The following BICC1 variants were observed in gnomAD, a reference collection of about 807,000 sequenced individuals.
BICC1 encodes BicC family RNA binding protein 1, also known as protein bicaudal C homolog 1.
A neutral mutation model predicts 111.0 loss-of-function variants in BICC1; 43 were observed. The observed-to-expected ratio is 0.39, with a 90% CI of 0.30 to 0.50. The LOEUF (loss-of-function observed/expected upper bound fraction) is 0.50, where lower values mean the gene tolerates loss of function less well. BICC1 is among the 20% of genes least tolerant of loss of function. The probability of loss-of-function intolerance (pLI) is 0.88; values close to 1 mark genes in which losing one functional copy is unlikely to be tolerated. For synonymous variants in BICC1, 467 were observed against 434.4 expected, an observed-to-expected ratio of 1.07 and a Z score of -0.93; for missense variants, 1,091 against 1,203.2, an observed-to-expected ratio of 0.91 and a Z score of 1.38.
intron 1 of BICC1, among the ~76,000 whole-genome samples, chr10:58,539,436 A>G (rs913962204): frequency 6.6e-6 from 1 of 151,648 alleles, no homozygotes; most frequent in Admixed American, 6.6e-5. Flanking sequence ...CCTATTGGAT[A>G]TAGTGTTCAG....
intron 3 of BICC1, among the ~76,000 whole-genome samples, chr10:58,765,315 CA>C (rs67510442): frequency 0.77 from 117,328 of 151,990 alleles, 45,788 homozygotes; most frequent in East Asian, 1. Context: ...CTCAGCCTCC[CA>C]AAAGTGCTGG....
At chr10:58,816,154 T>C (rs554392450) in intron 18 of BICC1, among the ~76,000 whole-genome samples, 2 of 152,314 alleles carry the variant, frequency 1.3e-5, no homozygotes, top group African/African-American at 2.4e-5. Flanking sequence ...CCATAAATTA[T>C]ATGGGCAGCC....
chr10:58,522,792 T>C (rs1842427200), intron 1 of BICC1, among the ~76,000 whole-genome samples: 1 of 151,676 alleles, frequency 6.6e-6, no homozygotes, highest in African/African-American at 2.4e-5. Flanking sequence ...ACCAACAAAA[T>C]GGATAGACCG....
At chr10:58,718,887 T>A (rs1252383923) in intron 3 of BICC1, among the ~76,000 whole-genome samples, 4 of 152,192 alleles carry the variant, frequency 2.6e-5, no homozygotes, top group Non-Finnish European at 5.9e-5. Flanking sequence ...ATTTCTGAGT[T>A]TTCTTGGTGT....
intron 1 of BICC1, among the ~76,000 whole-genome samples, chr10:58,534,597 T>A (rs537355141): frequency 2.6e-5 from 4 of 151,530 alleles, no homozygotes; most frequent in African/African-American, 9.7e-5. Context: ...CCCAGTTAAA[T>A]GAAAAATAAA....
intron 3 of BICC1, among the ~76,000 whole-genome samples, chr10:58,705,190 G>A (rs1227030389): frequency 6.6e-6 from 1 of 152,132 alleles, no homozygotes; most frequent in African/African-American, 2.4e-5. Flanking sequence ...TATTTAACAA[G>A]TTTCACTACT....
chr10:58,738,524 T>C (rs1198089185), intron 3 of BICC1, among the ~76,000 whole-genome samples: 1 of 152,222 alleles, frequency 6.6e-6, no homozygotes, highest in Non-Finnish European at 1.5e-5. Context: ...GGTAGCATGA[T>C]GCCTCCAGCT....
At chr10:58,823,250 A>G (rs1412832818) in intron 20 of BICC1, 5 of 985,230 alleles carry the variant, frequency 5.1e-6, no homozygotes, top group South Asian at 4.7e-5. Flanking sequence ...CAGATCCGCA[A>G]CAAGATCCTG....
At position 58,682,018 on chromosome 10, in the gene BICC1, T is replaced by TCCCC. The variant is rs1211673998; in HGVS notation, c.238-20053_238-20050dup. On this transcript the variant is annotated intron_variant, in intron 2 of 20. Transcript: ENST00000373886. The stretch of plus-strand genomic sequence containing the variant: ...TCTCCTAATGCTATCCCTCCCTCCC[T>TCCCC]CCCCCCACCCCATGACAGGCCCTGG... Among the ~76,000 whole-genome samples the TCCCC allele has an allele frequency of 1.4e-4, 11 of 77,804 alleles. No homozygotes were observed. In the East Asian group the frequency reaches 2.6e-3, roughly 18 times the overall value. 51.0% of individuals were successfully genotyped at this position (77,804 alleles called of 152,430 possible). A position where few individuals can be genotyped will look rare whatever the true frequency, so the allele number is the denominator to read the frequency against.
At chr10:58,589,246 C>T (rs536597039) in intron 1 of BICC1, among the ~76,000 whole-genome samples, 5 of 152,198 alleles carry the variant, frequency 3.3e-5, no homozygotes, top group South Asian at 2.1e-4. Context: ...CCAGCGCCTC[C>T]GGGGATCACC....
intron 3 of BICC1, chr10:58,716,304 G>A (rs986560424): frequency 2.0e-6 from 3 of 1,468,278 alleles, no homozygotes; most frequent in Non-Finnish European, 2.7e-6. Context: ...AGAAAAATCA[G>A]GATTCCCTTA....
chr10:58,542,728 G>A (rs1843026867), intron 1 of BICC1, among the ~76,000 whole-genome samples: 1 of 151,930 alleles, frequency 6.6e-6, no homozygotes, highest in Non-Finnish European at 1.5e-5. Flanking sequence ...TATACAGTTA[G>A]CCAACAAACA....
intron 3 of BICC1, among the ~76,000 whole-genome samples, chr10:58,755,162 G>C (rs1176216629): frequency 1.3e-5 from 2 of 152,106 alleles, no homozygotes; most frequent in Non-Finnish European, 2.9e-5. Context: ...CTTGGTGACT[G>C]TTTCATTTAA....
chr10:58,533,655 C>T (rs571392666), intron 1 of BICC1, among the ~76,000 whole-genome samples: 43 of 151,796 alleles, frequency 2.8e-4, no homozygotes, highest in Admixed American at 2.6e-3. Flanking sequence ...GAATTAATTA[C>T]CATTATGCCT....
chr10:58,604,529 C>T (rs964273592), intron 1 of BICC1, among the ~76,000 whole-genome samples: 9 of 151,954 alleles, frequency 5.9e-5, no homozygotes, highest in Non-Finnish European at 1.2e-4. Flanking sequence ...GGAGTGGTGG[C>T]GGGCGCCTGT....
At chr10:58,677,807 G>C (rs1404105860) in intron 2 of BICC1, among the ~76,000 whole-genome samples, 1 of 152,180 alleles carries the variant, frequency 6.6e-6, no homozygotes, top group Non-Finnish European at 1.5e-5. Flanking sequence ...AAAAGGTTGG[G>C]TTACCCACAA....
chr10:58,536,650 G>A (rs182123258), intron 1 of BICC1, among the ~76,000 whole-genome samples: 29 of 151,606 alleles, frequency 1.9e-4, no homozygotes, highest in Admixed American at 1.8e-3. Flanking sequence ...TCATGCCTCA[G>A]GGAACTAGAA....
intron 3 of BICC1, among the ~76,000 whole-genome samples, chr10:58,780,097 G>A (rs1275279113): frequency 2.0e-5 from 3 of 152,152 alleles, no homozygotes; most frequent in African/African-American, 4.8e-5. Context: ...GGTAATGCCC[G>A]TCTTGATTAT....
At chr10:58,800,104 C>T (rs1466023591) in intron 12 of BICC1, 90 bp from the exon 13 acceptor site, 16 of 1,026,498 alleles carry the variant, frequency 1.6e-5, no homozygotes, top group South Asian at 3.8e-5. Flanking sequence ...TTTTCTTTTT[C>T]GTGGCTGTTA....
Sources: gnomAD v4.1 joint callset for allele counts (sites outside exome capture counted in the v4.1 genomes callset) on GRCh38, gnomAD v4.1.1 for gene constraint, MANE v1.5 for transcripts, NCBI Gene and HGNC (gene_info 2026-07-23, HGNC 2026-07-21) for gene names.